MAP1LC3B2: variants seen among roughly 807,000 people sequenced by gnomAD.
MAP1LC3B2 encodes the protein microtubule associated protein 1 light chain 3 beta 2.
For synonymous variants in MAP1LC3B2, 62 were observed against 57.8 expected (o/e 1.07, Z -0.33); for missense variants, 155 against 154.6 (o/e 1.00, Z -0.01).
At chr12:116,575,066 G>C (rs780553519) in intron 1 of MAP1LC3B2, among the ~76,000 whole-genome samples, 26 of 151,516 alleles carry the variant, frequency 1.7e-4, no homozygotes, top group Non-Finnish European at 2.9e-4. Flanking sequence ...TGTAATCCTA[G>C]CCACTCAGGA....
Position 116,575,942 on chromosome 12 carries a change from C to G in MAP1LC3B2, c.-1C>G. 6.2e-7 allele frequency: 1 copy of G among 1,614,216 alleles called. No individual in the cohort carries two copies. Among genetic ancestry groups the G allele is most frequent in the East Asian group, 2.2e-5 (1 of 44,884 alleles). On this transcript the variant is annotated 5_prime_UTR_variant, in exon 2 of 2. Coordinates refer to ENST00000556529, the MANE Select transcript of MAP1LC3B2 (RefSeq NM_001085481.3). Reference sequence around the variant, plus strand: ...GCCGCCGCGGCCCAGATCCCCACACCATGCCGTCGGAGAAGACCTTCAAGC... The same window carrying G: ...GCCGCCGCGGCCCAGATCCCCACACGATGCCGTCGGAGAAGACCTTCAAGC...
At chr12:116,562,806 A>G (rs1023277156) in intron 1 of MAP1LC3B2, among the ~76,000 whole-genome samples, 9 of 152,220 alleles carry the variant, frequency 5.9e-5, no homozygotes, top group African/African-American at 2.2e-4. Flanking sequence ...TAAAACACCT[A>G]GAAAGTCTGA....
At chr12:116,569,742 A>G (rs1349823531) in intron 1 of MAP1LC3B2, among the ~76,000 whole-genome samples, 1 of 152,132 alleles carries the variant, frequency 6.6e-6, no homozygotes, top group Non-Finnish European at 1.5e-5. Context: ...GTAAAAATAA[A>G]GCTAGGAAAA....
intron 1 of MAP1LC3B2, among the ~76,000 whole-genome samples, chr12:116,565,472 G>A (rs1018721319): frequency 5.3e-5 from 8 of 152,276 alleles, no homozygotes; most frequent in African/African-American, 1.2e-4. Flanking sequence ...TGGGGGAGCC[G>A]CCCCCATGAT....
At chr12:116,575,137 G>A (rs60416567) in intron 1 of MAP1LC3B2, among the ~76,000 whole-genome samples, 3,885 of 147,842 alleles carry the variant, frequency 0.026, 172 homozygotes, top group African/African-American at 0.093. Flanking sequence ...CCAAGATGGT[G>A]CCATTGCACT....
chr12:116,561,903 G>A (rs933076729), intron 1 of MAP1LC3B2, among the ~76,000 whole-genome samples: 1 of 152,198 alleles, frequency 6.6e-6, no homozygotes, highest in Non-Finnish European at 1.5e-5. Context: ...TAAGGCTATT[G>A]TTTTTCCCTG....
At chr12:116,570,527 A>G (rs1329266916) in intron 1 of MAP1LC3B2, among the ~76,000 whole-genome samples, 2 of 152,154 alleles carry the variant, frequency 1.3e-5, no homozygotes, top group African/African-American at 4.8e-5. Flanking sequence ...AATGGGAGGT[A>G]ATTGAATCAT....
At position 116,575,830 on chromosome 12, in the gene MAP1LC3B2, G is replaced by A. The variant is rs955329632; in HGVS notation, c.-101-12G>A. On this transcript the variant is annotated splice_polypyrimidine_tract_variant and intron_variant, in intron 1 of 1. Coordinates refer to ENST00000556529, the MANE Select transcript of MAP1LC3B2 (RefSeq NM_001085481.3). ...ACAACTACTCAGCTCTGTTGTTATT[G>A]TGCAAAAATAGCCTTACACGGCCAC... is the stretch of plus-strand genomic sequence containing the variant. The A allele has an allele frequency of 8.1e-7, 1 of 1,242,202 alleles. No individual in the cohort carries two copies. Among genetic ancestry groups the A allele is most frequent in the Admixed American group, 2.0e-5 (1 of 50,904 alleles). The allele number at this position is 1,242,202 out of a possible 1,614,324, so 76.9% of individuals were successfully genotyped here.
intron 1 of MAP1LC3B2, among the ~76,000 whole-genome samples, chr12:116,569,831 A>T (rs1017531991): frequency 6.6e-6 from 1 of 152,156 alleles, no homozygotes; most frequent in South Asian, 2.1e-4. Context: ...CTAGGTGGGC[A>T]GATCACAAGG....
At chr12:116,574,202 G>C (rs765088581) in intron 1 of MAP1LC3B2, among the ~76,000 whole-genome samples, 18 of 150,656 alleles carry the variant, frequency 1.2e-4, no homozygotes, top group Non-Finnish European at 2.1e-4. Context: ...AGTATACAAA[G>C]ACATAAATCT....
At chr12:116,568,180 C>T (rs545458609) in intron 1 of MAP1LC3B2, among the ~76,000 whole-genome samples, 4 of 152,162 alleles carry the variant, frequency 2.6e-5, no homozygotes, top group Admixed American at 6.5e-5. Flanking sequence ...GCAATAGATG[C>T]GACCCTTTGT....
At chr12:116,569,132 G>A (rs1869464393) in intron 1 of MAP1LC3B2, among the ~76,000 whole-genome samples, 1 of 152,014 alleles carries the variant, frequency 6.6e-6, no homozygotes, top group Non-Finnish European at 1.5e-5. Flanking sequence ...AAAGTACTGG[G>A]ATTACAGGTG....
chr12:116,576,114 G>C lies in MAP1LC3B2; in HGVS notation c.172G>C (p.Val58Leu). The change falls in exon 2 of 2, where the codon GTC becomes CTC. Residue 58 changes from valine to leucine, a missense_variant. Transcript: ENST00000556529. ...AACAAAGTTCCTTGTACCTGACCAT[G>C]TCAACATGAGTGAGCTCATCAAGAT... Reference protein sequence around the residue: ...DKTKFLVPDHVNMSELIKIIR... With the variant: ...DKTKFLVPDHLNMSELIKIIR... 2 of 1,614,196 alleles carry C rather than the reference G, an allele frequency of 1.2e-6. No homozygotes were observed. The highest frequency in any genetic ancestry group is 1.7e-6 in the Non-Finnish European group (2 of 1,180,028).
chr12:116,575,226 A>C (rs933745911), intron 1 of MAP1LC3B2, among the ~76,000 whole-genome samples: 3 of 152,126 alleles, frequency 2.0e-5, no homozygotes, highest in Non-Finnish European at 2.9e-5. Flanking sequence ...TTTTTATTAA[A>C]AAAATAAAGA....
chr12:116,568,749 T>C (rs1869451747), intron 1 of MAP1LC3B2, among the ~76,000 whole-genome samples: 1 of 152,166 alleles, frequency 6.6e-6, no homozygotes, highest in Admixed American at 6.5e-5. Flanking sequence ...TCTTGCCCTT[T>C]CATCATGTGA....
In MAP1LC3B2 at chr12:116,575,981, C is replaced by T. The variant is rs1566025751; in HGVS notation, c.39C>T (p.Phe13=). The T allele has an allele frequency of 4.3e-6, 7 of 1,614,170 alleles. No individual in the cohort carries two copies. The highest frequency in any genetic ancestry group is 1.1e-5 in the South Asian group (1 of 91,088). The change falls in exon 2 of 2, where the codon TTC becomes TTT. Residue 13 remains phenylalanine, a synonymous_variant. Coordinates refer to ENST00000556529, the MANE Select transcript of MAP1LC3B2 (RefSeq NM_001085481.3). ...AGACCTTCAAGCAGCGGCGCACCTT[C>T]GAACAAAGAGTAGAAGATGTCCGAC... ...SEKTFKQRRT[F]EQRVEDVRLI... is the part of the protein sequence containing the mutation.
chr12:116,561,836 T>A (rs963276883), intron 1 of MAP1LC3B2, among the ~76,000 whole-genome samples: 1 of 152,238 alleles, frequency 6.6e-6, no homozygotes, highest in Non-Finnish European at 1.5e-5. Flanking sequence ...GCAAAGCTGT[T>A]CTTGAACGAG....
At chr12:116,574,657 A>G (rs1464239487) in intron 1 of MAP1LC3B2, among the ~76,000 whole-genome samples, 1 of 44,742 alleles carries the variant, frequency 2.2e-5, no homozygotes, top group East Asian at 6.5e-4. Flanking sequence ...AAAAGAAAGA[A>G]AAAAAAAAAG....
Position 116,576,021 on chromosome 12 carries a change from C to T in MAP1LC3B2, c.79C>T (p.His27Tyr). The T allele has an allele frequency of 1.9e-6, 3 of 1,614,240 alleles. No individual in the cohort carries two copies. The highest frequency in any genetic ancestry group is 2.5e-6 in the Non-Finnish European group (3 of 1,180,052). ...AGATGTCCGACTTATTCGAGAGCAG[C>T]ATCCAACCAAAATCCCGGTGATAAT... ...VEDVRLIREQHPTKIPVIIER... is the reference protein window; with the variant it reads ...VEDVRLIREQYPTKIPVIIER... The change falls in exon 2 of 2, where the codon CAT becomes TAT. Residue 27 changes from histidine (H) to tyrosine (Y), a missense_variant. Transcript: ENST00000556529.
Sources: gnomAD v4.1 joint callset for allele counts (sites outside exome capture counted in the v4.1 genomes callset) on GRCh38, gnomAD v4.1.1 for gene constraint, MANE v1.5 for transcripts, NCBI Gene and HGNC (gene_info 2026-07-23, HGNC 2026-07-21) for gene names.